CBFA2T2: variants seen among roughly 807,000 people sequenced by gnomAD.
CBFA2T2 encodes protein CBFA2T2.
Under a neutral mutation model 62.2 loss-of-function variants are expected in CBFA2T2, and 11 were observed. The ratio of observed to expected loss-of-function variants is 0.18; its 90% CI spans 0.11 to 0.29. The LOEUF (loss-of-function observed/expected upper bound fraction) is 0.29, where lower values mean the gene tolerates loss of function less well. Among genes scored for constraint, CBFA2T2 ranks in the 10% least tolerant of loss-of-function variants. The pLI, the probability that CBFA2T2 is intolerant of heterozygous loss-of-function variation, is 1.00. For synonymous variants in CBFA2T2, 295 were observed against 287.5 expected (o/e 1.03, Z -0.27); for missense variants, 592 against 774.1 (o/e 0.76, Z 2.79).
intron 1 of CBFA2T2, among the ~76,000 whole-genome samples, chr20:33,587,255 T>A (rs1306781313): frequency 6.8e-6 from 1 of 147,958 alleles, no homozygotes; most frequent in Non-Finnish European, 1.5e-5. Context: ...TGTTTTTTAT[T>A]TTTTTGTTTT....
chr20:33,613,421 C>T (rs1306031616), intron 3 of CBFA2T2, among the ~76,000 whole-genome samples: 1 of 152,228 alleles, frequency 6.6e-6, no homozygotes, highest in Non-Finnish European at 1.5e-5. Context: ...GTGAGAGAGA[C>T]ACAGTCTGGA....
chr20:33,544,102 A>G (rs150340634), intron 1 of CBFA2T2, among the ~76,000 whole-genome samples: 1 of 152,278 alleles, frequency 6.6e-6, no homozygotes, highest in African/African-American at 2.4e-5. Context: ...TAGTCAGGTC[A>G]TGTCAATTCT....
At chr20:33,585,452 G>A (rs1266257736) in intron 1 of CBFA2T2, among the ~76,000 whole-genome samples, 1 of 151,916 alleles carries the variant, frequency 6.6e-6, no homozygotes, top group Admixed American at 6.6e-5. Flanking sequence ...TATGCATTTC[G>A]CCAAGTGTTG....
chr20:33,594,529 A>G (rs1186993420), intron 1 of CBFA2T2, among the ~76,000 whole-genome samples: 3 of 151,910 alleles, frequency 2.0e-5, no homozygotes, highest in Admixed American at 2.0e-4. Context: ...CTACTGCTAG[A>G]TTTCCTCTAG....
At chr20:33,634,670 CAAAAAAAAAAAAAAA>C (rs758089440) in intron 8 of CBFA2T2, among the ~76,000 whole-genome samples, 8 of 47,924 alleles carry the variant, frequency 1.7e-4, no homozygotes, top group South Asian at 2.0e-3. Flanking sequence ...ACCCTATGTC[CAAAAAAAAAAAAAAA>C]AAAAAAAAAA....
Position 33,575,839 on chromosome 20 carries a change from G to A in CBFA2T2, c.35-31117G>A, listed in dbSNP as rs2146907824. Among the ~76,000 whole-genome samples the A allele has an allele frequency of 1.3e-5, 2 of 152,046 alleles. 1 individual carries two copies. Among genetic ancestry groups the A allele is most frequent in the Admixed American group, 1.3e-4 (2 of 15,284 alleles). On this transcript the variant is annotated intron_variant, in intron 1 of 10. Transcript: ENST00000342704. ...GTCGCCCAGGCTGGAGTGCAGTGGC[G>A]CGATCTCAGCTCACTGCAAGCTCCA...
At chr20:33,529,827 C>T (rs1279561976) in intron 1 of CBFA2T2, among the ~76,000 whole-genome samples, 1 of 146,764 alleles carries the variant, frequency 6.8e-6, no homozygotes, top group Non-Finnish European at 1.5e-5. Context: ...TCTTGTTACA[C>T]AGGCTGGAGT....
intron 1 of CBFA2T2, among the ~76,000 whole-genome samples, chr20:33,573,470 T>A (rs1214282682): frequency 2.0e-5 from 3 of 151,734 alleles, no homozygotes; most frequent in African/African-American, 7.3e-5. Flanking sequence ...GAGTACTACT[T>A]CTTCTTCTTC....
chr20:33,602,995 A>G (rs563527096), intron 1 of CBFA2T2, among the ~76,000 whole-genome samples: 2 of 152,332 alleles, frequency 1.3e-5, no homozygotes, highest in Admixed American at 1.3e-4. Flanking sequence ...TTCACATCCC[A>G]GGTGGGATGG....
At chr20:33,603,469 TATAC>T (rs2015219446) in intron 1 of CBFA2T2, among the ~76,000 whole-genome samples, 2 of 152,238 alleles carry the variant, frequency 1.3e-5, no homozygotes. Context: ...TTTTTTAATA[TATAC>T]ATACATATAT....
chr20:33,544,146 C>T (rs920438253), intron 1 of CBFA2T2, among the ~76,000 whole-genome samples: 3 of 152,176 alleles, frequency 2.0e-5, no homozygotes, highest in Non-Finnish European at 4.4e-5. Flanking sequence ...TCCCATTTTA[C>T]TGAAAGAGAC....
chr20:33,626,377 T>G (rs1234912938), intron 6 of CBFA2T2, among the ~76,000 whole-genome samples: 2 of 152,232 alleles, frequency 1.3e-5, no homozygotes, highest in Non-Finnish European at 2.9e-5. Flanking sequence ...AGCTGTGTGA[T>G]CTCAGGCAAG....
At position 33,503,242 on chromosome 20, in the gene CBFA2T2, C is replaced by A. The variant is rs1351638155; in HGVS notation, c.34+12941C>A. Among the ~76,000 whole-genome samples the A allele has an allele frequency of 5.0e-5, 3 of 60,214 alleles. No individual in the cohort carries two copies. In the Admixed American group the frequency reaches 5.6e-4, roughly 11 times the overall value. 39.5% of individuals were successfully genotyped at this position (60,214 alleles called of 152,430 possible). On this transcript the variant is annotated intron_variant, in intron 1 of 10. Coordinates refer to ENST00000342704, the MANE Select transcript of CBFA2T2 (RefSeq NM_001032999.3). ...TATCAAAAAATATGTATCTAAATTTCTTTCTTTCTTTCTTTTTTTTTTTTT... is the reference window on the plus strand; with the variant it reads ...TATCAAAAAATATGTATCTAAATTTATTTCTTTCTTTCTTTTTTTTTTTTT...
At chr20:33,579,683 T>C (rs2014017180) in intron 1 of CBFA2T2, among the ~76,000 whole-genome samples, 1 of 152,118 alleles carries the variant, frequency 6.6e-6, no homozygotes, top group Non-Finnish European at 1.5e-5. Flanking sequence ...GACACCTTTA[T>C]TGAAACTCAC....
At chr20:33,585,363 G>A (rs1320851234) in intron 1 of CBFA2T2, among the ~76,000 whole-genome samples, 2 of 152,124 alleles carry the variant, frequency 1.3e-5, no homozygotes, top group African/African-American at 4.8e-5. Flanking sequence ...AATACCGTGA[G>A]CATGTGTCTA....
chr20:33,507,871 A>G (rs1765908918), intron 1 of CBFA2T2, among the ~76,000 whole-genome samples: 1 of 152,098 alleles, frequency 6.6e-6, no homozygotes, highest in Non-Finnish European at 1.5e-5. Flanking sequence ...ATTTTGATAG[A>G]TGTTGCCAGA....
At chr20:33,594,221 CTTTCT>C (rs1439192326) in intron 1 of CBFA2T2, among the ~76,000 whole-genome samples, 3 of 152,014 alleles carry the variant, frequency 2.0e-5, no homozygotes, top group East Asian at 1.9e-4. Context: ...TGCTATATTT[CTTTCT>C]TTTCTTTTTT....
chr20:33,596,305 A>G (rs933551405), intron 1 of CBFA2T2, among the ~76,000 whole-genome samples: 1 of 152,192 alleles, frequency 6.6e-6, no homozygotes, highest in Non-Finnish European at 1.5e-5. Flanking sequence ...TGTTACACAT[A>G]ATATACTTGT....
intron 1 of CBFA2T2, among the ~76,000 whole-genome samples, chr20:33,505,044 AT>A (rs1287700120): frequency 1.2e-4 from 19 of 152,304 alleles, no homozygotes; most frequent in African/African-American, 4.6e-4. Context: ...CACATATCTA[AT>A]TTTTATAGCA....
Sources: gnomAD v4.1 joint callset for allele counts (sites outside exome capture counted in the v4.1 genomes callset) on GRCh38, gnomAD v4.1.1 for gene constraint, MANE v1.5 for transcripts, NCBI Gene and HGNC (gene_info 2026-07-23, HGNC 2026-07-21) for gene names.